The following SEC16A variants were observed in gnomAD, a reference collection of about 807,000 sequenced individuals.
SEC16A encodes the protein SEC16 homolog A, endoplasmic reticulum export factor, also known as protein transport protein Sec16A.
SEC16A carries 110 observed loss-of-function variants against 221.9 expected under a neutral mutation model. That is an observed-to-expected ratio of 0.50 (90% CI 0.42 to 0.58). SEC16A has a LOEUF of 0.58. SEC16A is among the 20% of genes least tolerant of loss of function. SEC16A has a pLI of 0.00. For missense variants in SEC16A, 3,165 were observed against 3,097.8 expected, an observed-to-expected ratio of 1.02 and a Z score of -0.52; for synonymous variants, 1,393 against 1,257.7, an observed-to-expected ratio of 1.11 and a Z score of -2.28.
Position 136,467,069 on chromosome 9 carries a change from C to T in SEC16A, c.3817G>A (p.Asp1273Asn). The T allele has an allele frequency of 1.2e-6, 2 of 1,613,868 alleles. No homozygotes were observed. The highest frequency in any genetic ancestry group is 1.7e-6 in the Non-Finnish European group (2 of 1,179,858). The change falls in exon 6 of 32, where the codon GAT becomes AAT. Residue 1273 changes from aspartate to asparagine, a missense_variant. Physicochemically the swap from Asp to Asn is conservative, Grantham distance 23. Around this residue, in one of 3 missense-constraint regions of SEC16A, gnomAD observed 2,030 missense variants for 1,923.1 expected, o/e 1.06. Coordinates refer to ENST00000684901, the MANE Select transcript of SEC16A (RefSeq NM_014866.2). ...QYDYGDPGHW[D>N]RYHYSARVRD... ...ACTCTAGCACTGTAGTGGTAACGAT[C>T]CCAGTGACCTGGATCTGTGAGCAAG...
Position 136,446,130 on chromosome 9 carries a change from G to GTCC in SEC16A, c.6793-412_6793-411insGGA, listed in dbSNP as rs1430252019. Among the ~76,000 whole-genome samples the GTCC allele has an allele frequency of 4.7e-5, 7 of 149,562 alleles. No homozygotes were observed. In the East Asian group the frequency reaches 1.4e-3, roughly 29 times the overall value. On this transcript the variant is annotated intron_variant, in intron 28 of 31. Coordinates refer to ENST00000684901, the MANE Select transcript of SEC16A (RefSeq NM_014866.2). ...TTTTTTTTTTTTTTTTTTTGAGATG[G>GTCC]AGTCTGGCTCTGTTGCCCGGGATGG...
Position 136,447,033 on chromosome 9 carries a change from T to TC in SEC16A, c.6698-85_6698-84insG, listed in dbSNP as rs1837091970. ...TGAAGACACTCCGAGAGGAAGAGAG[T>TC]TTCACACTGCACACGCGGCACACTC... is the stretch of plus-strand genomic sequence containing the variant. On this transcript the variant is annotated intron_variant, in intron 27 of 31. Coordinates refer to ENST00000684901, the MANE Select transcript of SEC16A (RefSeq NM_014866.2). This position sits in a 1 kb window ranked among gnomAD's most constrained non-coding sequence, Gnocchi z 5.5. 6.9e-6 allele frequency: 11 copies of TC among 1,594,576 alleles called. No individual in the cohort carries two copies. Among genetic ancestry groups the TC allele is most frequent in the Non-Finnish European group, 9.4e-6 (11 of 1,172,130 alleles).
Position 136,474,642 on chromosome 9 carries a change from C to T in SEC16A, c.2974G>A (p.Gly992Arg), listed in dbSNP as rs758060948. Residue 992 changes from glycine (G) to arginine (R), a missense_variant, in exon 3 of 32, where the codon GGA becomes AGA. By Grantham distance (125) the Gly-to-Arg change is moderately radical. Around this residue, in one of 3 missense-constraint regions of SEC16A, gnomAD observed 2,030 missense variants for 1,923.1 expected, o/e 1.06. Transcript: ENST00000684901. ...NHSSHQEDTY[G>R]ALDFTLSRTL... The stretch of plus-strand genomic sequence containing the variant: ...CTGCTTAAGGTAAAGTCTAGGGCTC[C>T]GTAAGTGTCTTCCTGATGACTGGAA... The T allele has an allele frequency of 1.7e-5, 27 of 1,613,414 alleles. No individual in the cohort carries two copies. The South Asian group carries it at 2.0e-4, about 12-fold the overall frequency.
rs755766327 is a variant in SEC16A, at chr9:136,466,451, C to T, written c.3941G>A (p.Arg1314His). The T allele has an allele frequency of 7.6e-5, 122 of 1,604,272 alleles. No homozygotes were observed. Among genetic ancestry groups the T allele is most frequent in the Non-Finnish European group, 8.8e-5 (104 of 1,175,360 alleles). Residue 1314 changes from arginine to histidine, a missense_variant, in exon 7 of 32, where the codon CGT becomes CAT. Arg to His is a conservative substitution (Grantham distance 29). This residue lies in a region of SEC16A where 2,030 missense variants were observed against 1,923.1 expected (regional missense o/e 1.06). Coordinates refer to ENST00000684901, the MANE Select transcript of SEC16A (RefSeq NM_014866.2). The surrounding 1 kb of genome is among the most constrained non-coding windows in gnomAD (Gnocchi z 5.5). ...HSAFGDRPEK[R>H]DNNWRYDPRF... is the part of the protein sequence containing the mutation. ...AGGATCGTACCTCCAGTTGTTGTCA[C>T]GTTTCTCGGGCCTAGAGGAAGCCGG...
upstream of SEC16A, chr9:136,483,514 T>G (rs907043573): frequency 2.0e-6 from 2 of 980,480 alleles, no homozygotes; most frequent in African/African-American, 1.8e-5. Flanking sequence ...CCTCACCGCT[T>G]GGCCCCGCCC....
rs752510860 is a variant in SEC16A, at chr9:136,452,449, C to CAAAA, written c.6159+975_6159+978dup. On this transcript the variant is annotated intron_variant, in intron 22 of 31. Transcript: ENST00000684901. Reference sequence around the variant, plus strand: ...TGGGCGACAGAGAGAAACTCCATCTCAAAAAAAAAAAAAAAAAAAAAAAAA... The same window carrying CAAAA: ...TGGGCGACAGAGAGAAACTCCATCTCAAAAAAAAAAAAAAAAAAAAAAAAAAAAA... 6.9e-4 allele frequency among the ~76,000 whole-genome samples: 16 copies of CAAAA among 23,292 alleles called. 1 individual carries two copies. The highest frequency in any genetic ancestry group is 1.3e-3 in the African/African-American group (8 of 6,072). 15.3% of individuals were successfully genotyped at this position (23,292 alleles called of 152,430 possible). A position where few individuals can be genotyped will look rare whatever the true frequency, so the allele number is the denominator to read the frequency against.
Position 136,476,907 on chromosome 9 carries a change from CAGGTCCTTCAGGGCAGGGTG to C in SEC16A, c.689_708del (p.Ser230CysfsTer27). ...GTGGCACAGGGCACCCCGCTGGGAA[CAGGTCCTTCAGGGCAGGGTG>C]AACGATGTTGCCCCGAGGGCTGTGG... On this transcript the variant is annotated frameshift_variant, in exon 3 of 32. Transcript: ENST00000684901. LOFTEE classifies it high-confidence loss of function. 1 of 1,611,774 alleles carries C rather than the reference CAGGTCCTTCAGGGCAGGGTG, an allele frequency of 6.2e-7. No homozygotes were observed.
rs759587930 is a variant in SEC16A, at chr9:136,457,430, G to A, written c.5550+14C>T. On this transcript the variant is annotated intron_variant, in intron 18 of 31. Coordinates refer to ENST00000684901, the MANE Select transcript of SEC16A (RefSeq NM_014866.2). Reference sequence around the variant, plus strand: ...TCAGCACAGCATCCCGAGGACAGGCGCCAGGGGCAGCACCTGCACAAGCTG... The same window carrying A: ...TCAGCACAGCATCCCGAGGACAGGCACCAGGGGCAGCACCTGCACAAGCTG... 11 of 1,594,214 alleles carry A rather than the reference G, an allele frequency of 6.9e-6. No individual in the cohort carries two copies. Among genetic ancestry groups the A allele is most frequent in the African/African-American group, 6.7e-5 (5 of 74,500 alleles).
At position 136,464,494 on chromosome 9, in the gene SEC16A, C is replaced by T. The variant is rs778904624; in HGVS notation, c.4372G>A (p.Gly1458Ser). 68 of 1,612,628 alleles carry T rather than the reference C, an allele frequency of 4.2e-5. No individual in the cohort carries two copies. Among genetic ancestry groups the T allele is most frequent in the African/African-American group, 5.3e-5 (4 of 74,930 alleles). Residue 1458 changes from glycine (G) to serine (S), a missense_variant, in exon 9 of 32, where the codon GGT (glycine) becomes AGT (serine). Physicochemically the swap from Gly to Ser is moderately conservative, Grantham distance 56. Around this residue, in one of 3 missense-constraint regions of SEC16A, gnomAD observed 2,030 missense variants for 1,923.1 expected, o/e 1.06. Transcript: ENST00000684901. ...PHVCARFGPG[G>S]QLIKVIPNLP... ...TTGGGAATCACTTTGATAAGCTGAC[C>T]GCCAGGGCCAAACCTGGCACAGACA...
rs17610266 is a variant in SEC16A at position 136,456,143 on chromosome 9, G to C, written c.5574C>G (p.Phe1858Leu). ...CTGGCTTCTCTTTCAGCTGGGGATC[G>C]AAGAGTCGTAACTGGGAAGCCATCT... is the stretch of plus-strand genomic sequence containing the variant. ...LVQMASQLRL[F>L]DPQLKEKPEE... Residue 1858 changes from phenylalanine (F) to leucine (L), a missense_variant, in exon 19 of 32, where the codon TTC becomes TTG. This residue lies in a region of SEC16A where 1,088 missense variants were observed against 1,089.6 expected (regional missense o/e 1.00). Transcript: ENST00000684901. 117 of 1,612,228 alleles carry C rather than the reference G, an allele frequency of 7.3e-5. 2 individuals carry two copies. In the South Asian group the frequency reaches 1.1e-3, roughly 16 times the overall value.
intron 5 of SEC16A, among the ~76,000 whole-genome samples, chr9:136,467,983 C>T (rs1372256382): frequency 2.6e-5 from 4 of 152,228 alleles, no homozygotes; most frequent in Admixed American, 1.3e-4. Flanking sequence ...ATGTCCACAC[C>T]GCCCCAGGCA....
intron 28 of SEC16A, among the ~76,000 whole-genome samples, chr9:136,446,163 T>C (rs1168459825): frequency 1.4e-5 from 2 of 148,116 alleles, no homozygotes; most frequent in Admixed American, 1.4e-4. Context: ...TGGAGTGCAA[T>C]GGCGCAATCT....
At position 136,475,296 on chromosome 9, in the gene SEC16A, T is replaced by G. The variant is rs761871354; in HGVS notation, c.2320A>C (p.Ser774Arg). ...AMSGQQSRNPSSAAPVQSRGG... is the reference protein window; with the variant it reads ...AMSGQQSRNPRSAAPVQSRGG... The stretch of plus-strand genomic sequence containing the variant: ...CGGCTCTGCACCGGGGCCGCCGAGC[T>G]TGGGTTCCGTGACTGCTGCCCGGAC... Residue 774 changes from serine (S) to arginine (R), a missense_variant, in exon 3 of 32, where the codon AGC (serine) becomes CGC (arginine). Physicochemically the swap from Ser to Arg is moderately radical, Grantham distance 110. This residue lies in a region of SEC16A where 2,030 missense variants were observed against 1,923.1 expected (regional missense o/e 1.06). Transcript: ENST00000684901. This position sits in a 1 kb window ranked among gnomAD's most constrained non-coding sequence, Gnocchi z 5.0. 1 of 1,613,350 alleles carries G rather than the reference T, an allele frequency of 6.2e-7. No individual in the cohort carries two copies. The highest frequency in any genetic ancestry group is 1.1e-5 in the South Asian group (1 of 91,078).
chr9:136,470,225 G>A (rs1003726589), intron 4 of SEC16A, among the ~76,000 whole-genome samples: 1 of 152,222 alleles, frequency 6.6e-6, no homozygotes, highest in African/African-American at 2.4e-5. Context: ...CGCAGGATCC[G>A]AACACAGGAA....
intron 5 of SEC16A, 66 bp from the exon 6 acceptor site, chr9:136,467,149 AAAG>A (rs2132552546): frequency 1.9e-6 from 3 of 1,588,372 alleles, no homozygotes; most frequent in East Asian, 4.5e-5. Context: ...AGATATCACT[AAAG>A]AAGCGACACC....
chr9:136,443,827 G>T lies in SEC16A; in HGVS notation c.7001C>A (p.Ala2334Glu). Residue 2334 changes from alanine to glutamate, a missense_variant, in exon 31 of 32, where the codon GCA becomes GAA. This residue lies in a region of SEC16A where 1,088 missense variants were observed against 1,089.6 expected (regional missense o/e 1.00). Coordinates refer to ENST00000684901, the MANE Select transcript of SEC16A (RefSeq NM_014866.2). ...GGAAAGGTAGGAGTCACTCACCTGTGCCAGCTGAGCAGGGTTGTAGAAGGG... is the reference window on the plus strand; with the variant it reads ...GGAAAGGTAGGAGTCACTCACCTGTTCCAGCTGAGCAGGGTTGTAGAAGGG... ...AMPFYNPAQL[A>E]QACATSGSSR... 6.2e-7 allele frequency: 1 copy of T among 1,610,856 alleles called. No homozygotes were observed. The highest frequency in any genetic ancestry group is 8.5e-7 in the Non-Finnish European group (1 of 1,178,142).
intron 1 of SEC16A, among the ~76,000 whole-genome samples, chr9:136,480,471 T>G (rs1441500969): frequency 6.6e-6 from 1 of 152,230 alleles, no homozygotes; most frequent in Non-Finnish European, 1.5e-5. Flanking sequence ...CCACTCCTCT[T>G]TCTGCAATGT....
rs1841319043 is a variant in SEC16A, at chr9:136,474,313, T to C, written c.3303A>G (p.Ala1101=). Residue 1101 remains alanine, a synonymous_variant, in exon 3 of 32, where the codon GCA becomes GCG. Coordinates refer to ENST00000684901, the MANE Select transcript of SEC16A (RefSeq NM_014866.2). ...GQAQNSAQSP[A]SLVLVDAGQQ... is the part of the protein sequence containing the mutation. ...GACCCGCGTCGACCAGAACCAGACTTGCTGGTGACTGTGCTGAGTTCTGGG... is the reference window on the plus strand; with the variant it reads ...GACCCGCGTCGACCAGAACCAGACTCGCTGGTGACTGTGCTGAGTTCTGGG... 1 of 1,611,540 alleles carries C rather than the reference T, an allele frequency of 6.2e-7. No homozygotes were observed. Among genetic ancestry groups the C allele is most frequent in the Non-Finnish European group, 8.5e-7 (1 of 1,179,170 alleles).
chr9:136,469,568 G>T (rs1036384966), intron 4 of SEC16A, among the ~76,000 whole-genome samples: 14 of 152,352 alleles, frequency 9.2e-5, no homozygotes, highest in Middle Eastern at 3.4e-3. Flanking sequence ...GGAGGCTGAG[G>T]CAGGAGGATG....
Sources: gnomAD v4.1 joint callset for allele counts (sites outside exome capture counted in the v4.1 genomes callset) on GRCh38, gnomAD v4.1.1 for gene constraint, gnomAD v4.1.1 regional missense constraint, Gnocchi (gnomAD v3.1) non-coding constraint, MANE v1.5 for transcripts, NCBI Gene and HGNC (gene_info 2026-07-23, HGNC 2026-07-21) for gene names.